The following PRKCA variants were observed in gnomAD, a reference collection of about 807,000 sequenced individuals.
PRKCA encodes protein kinase C alpha.
In PRKCA, 27 loss-of-function variants were observed where a neutral mutation model predicts 87.0. The observed-to-expected ratio is 0.31, with a 90% CI of 0.23 to 0.43. The LOEUF (loss-of-function observed/expected upper bound fraction) is 0.43. PRKCA is among the 20% of genes least tolerant of loss of function. The probability of loss-of-function intolerance (pLI) is 1.00; values close to 1 mark genes in which losing one functional copy is unlikely to be tolerated. For missense variants in PRKCA, 518 were observed against 852.3 expected, an observed-to-expected ratio of 0.61 and a Z score of 4.88; for synonymous variants, 329 against 311.1, an observed-to-expected ratio of 1.06 and a Z score of -0.61.
At chr17:66,423,231 G>A (rs16959238) in intron 2 of PRKCA, among the ~76,000 whole-genome samples, 32,695 of 152,110 alleles carry the variant, frequency 0.21, 3,817 homozygotes, top group South Asian at 0.34. Flanking sequence ...GAGTCTCACC[G>A]GAATGCAGCG....
chr17:66,761,124 C>A (rs2037727995), intron 13 of PRKCA, among the ~76,000 whole-genome samples: 1 of 152,124 alleles, frequency 6.6e-6, no homozygotes, highest in Non-Finnish European at 1.5e-5. Context: ...GTAATCCCAA[C>A]ACTTTGGGAG....
intron 3 of PRKCA, among the ~76,000 whole-genome samples, chr17:66,498,369 C>A (rs931722036): frequency 1.3e-5 from 2 of 152,120 alleles, no homozygotes. Context: ...ATTTTTCTTT[C>A]CTCTCTTCTC....
chr17:66,521,812 A>G (rs961414714), intron 3 of PRKCA, among the ~76,000 whole-genome samples: 1 of 152,202 alleles, frequency 6.6e-6, no homozygotes, highest in Non-Finnish European at 1.5e-5. Flanking sequence ...AAGAGAAAAT[A>G]CGGTCAAGAA....
intron 3 of PRKCA, among the ~76,000 whole-genome samples, chr17:66,505,008 C>T (rs932052443): frequency 2.0e-5 from 3 of 152,148 alleles, no homozygotes; most frequent in African/African-American, 4.8e-5. Context: ...GGCACTTGCC[C>T]GCAGATACCC....
At chr17:66,375,096 G>C (rs538085037) in intron 2 of PRKCA, among the ~76,000 whole-genome samples, 1 of 152,150 alleles carries the variant, frequency 6.6e-6, no homozygotes, top group East Asian at 1.9e-4. Flanking sequence ...CCTTGAGGGG[G>C]GTAATAGCTT....
chr17:66,506,592 C>G (rs2144152120), intron 3 of PRKCA, among the ~76,000 whole-genome samples: 1 of 152,300 alleles, frequency 6.6e-6, no homozygotes, highest in South Asian at 2.1e-4. Flanking sequence ...ATATTTACAG[C>G]TGTGCGTGAG....
At chr17:66,532,212 T>A (rs1355208324) in intron 3 of PRKCA, among the ~76,000 whole-genome samples, 1 of 151,406 alleles carries the variant, frequency 6.6e-6, no homozygotes, top group African/African-American at 2.4e-5. Flanking sequence ...CCATCTTTGC[T>A]CAGAGGGAAT....
chr17:66,733,765 C>T (rs145724215), intron 9 of PRKCA, among the ~76,000 whole-genome samples: 3,739 of 152,270 alleles, frequency 0.025, 49 homozygotes, highest in Non-Finnish European at 0.03. Flanking sequence ...GCACTCCAGC[C>T]TGGGCAACAG....
intron 2 of PRKCA, among the ~76,000 whole-genome samples, chr17:66,382,522 AACTCCTG>A (rs1198889367): frequency 1.3e-5 from 2 of 152,134 alleles, no homozygotes; most frequent in Non-Finnish European, 2.9e-5. Context: ...GCTGGTCTTG[AACTCCTG>A]ACCTCAAGTG....
chr17:66,587,356 GTGT>G (rs992039734), intron 3 of PRKCA, among the ~76,000 whole-genome samples: 2 of 152,054 alleles, frequency 1.3e-5, no homozygotes, highest in Admixed American at 6.6e-5. Flanking sequence ...GCATCATTTT[GTGT>G]TGTTTTACAT....
intron 2 of PRKCA, among the ~76,000 whole-genome samples, chr17:66,474,435 C>T (rs1567847630): frequency 6.6e-6 from 1 of 152,190 alleles, no homozygotes; most frequent in Non-Finnish European, 1.5e-5. Flanking sequence ...TGGAAGGCTG[C>T]TATTGTTATG....
At chr17:66,777,964 A>G in intron 14 of PRKCA, 1 of 985,158 alleles carries the variant, frequency 1.0e-6, no homozygotes, top group Non-Finnish European at 1.2e-6. Flanking sequence ...CTTCTGGCAG[A>G]GAAGTCCCCT....
intron 2 of PRKCA, among the ~76,000 whole-genome samples, chr17:66,449,026 T>TGTAA (rs1914179214): frequency 6.7e-6 from 1 of 149,696 alleles, no homozygotes; most frequent in Non-Finnish European, 1.5e-5. Flanking sequence ...GGCTCATGCC[T>TGTAA]GTAATCCTAG....
At chr17:66,688,883 C>A in intron 7 of PRKCA, 68 bp from the exon 8 acceptor site, 1 of 996,714 alleles carries the variant, frequency 1.0e-6, no homozygotes, top group Non-Finnish European at 1.6e-6. Flanking sequence ...CAAAACCGCT[C>A]GACTAGAGGC....
chr17:66,770,325 T>G (rs4381631), intron 13 of PRKCA, among the ~76,000 whole-genome samples: 82,687 of 152,116 alleles, frequency 0.54, 23,015 homozygotes, highest in African/African-American at 0.66. Flanking sequence ...GAGTAGGAAA[T>G]CTTCCATGTA....
rs562075423 is a variant in PRKCA, at chr17:66,810,356, A to T, written c.*6319A>T. On this transcript the variant is annotated 3_prime_UTR_variant, in exon 17 of 17. Coordinates refer to ENST00000413366, the MANE Select transcript of PRKCA (RefSeq NM_002737.3). ...AAGGTTTTCTAAAAATTAACCTCAC[A>T]TCCCTTCTGTTAGGGTCTTTCAGAA... 1 of 152,352 alleles carries T rather than the reference A, an allele frequency of 6.6e-6. No homozygotes were observed. Among genetic ancestry groups the T allele is most frequent in the East Asian group, 1.9e-4 (1 of 5,188 alleles). 9.4% of individuals were successfully genotyped at this position (152,352 alleles called of 1,614,324 possible).
chr17:66,732,233 C>A (rs971145776), intron 8 of PRKCA, among the ~76,000 whole-genome samples: 2 of 151,998 alleles, frequency 1.3e-5, no homozygotes, highest in Non-Finnish European at 2.9e-5. Context: ...CTCCAGAGAA[C>A]ATTTTCCTCC....
chr17:66,471,474 A>G (rs1324825115), intron 2 of PRKCA, among the ~76,000 whole-genome samples: 2 of 152,154 alleles, frequency 1.3e-5, no homozygotes, highest in African/African-American at 4.8e-5. Context: ...CCTGAGTGGA[A>G]TTGAGTTGCA....
chr17:66,336,778 G>GTGTA (rs1567777936), intron 2 of PRKCA, among the ~76,000 whole-genome samples: 1 of 135,766 alleles, frequency 7.4e-6, no homozygotes, highest in Non-Finnish European at 1.7e-5. Flanking sequence ...GTGTGTGTGT[G>GTGTA]TGTGTGTGTG....
Sources: gnomAD v4.1 joint callset for allele counts (sites outside exome capture counted in the v4.1 genomes callset) on GRCh38, gnomAD v4.1.1 for gene constraint, MANE v1.5 for transcripts, NCBI Gene and HGNC (gene_info 2026-07-23, HGNC 2026-07-21) for gene names.